The following CUX2 variants were observed in gnomAD, a reference collection of about 807,000 sequenced individuals.
The protein encoded by CUX2 is cut like homeobox 2.
CUX2 carries 40 observed loss-of-function variants against 144.8 expected under a neutral mutation model. The ratio of observed to expected loss-of-function variants is 0.28; its 90% CI spans 0.21 to 0.36. The LOEUF is 0.36. Among genes scored for constraint, CUX2 ranks in the 10% least tolerant of loss-of-function variants. The pLI is 1.00. For missense variants in CUX2, 1,615 were observed against 1,994.0 expected, an observed-to-expected ratio of 0.81 and a Z score of 3.62; for synonymous variants, 827 against 875.6, an observed-to-expected ratio of 0.94 and a Z score of 0.98.
At chr12:111,096,473 T>C (rs761834372) in intron 1 of CUX2, among the ~76,000 whole-genome samples, 22 of 152,182 alleles carry the variant, frequency 1.4e-4, no homozygotes, top group Non-Finnish European at 2.9e-4. Flanking sequence ...GGAGCTTTTA[T>C]CACTTACACC....
At chr12:111,239,775 G>T (rs1449515031) in intron 3 of CUX2, among the ~76,000 whole-genome samples, 3 of 152,164 alleles carry the variant, frequency 2.0e-5, no homozygotes, top group Admixed American at 6.5e-5. Flanking sequence ...CACCTGCCAG[G>T]GCTACCTGGG....
At chr12:111,090,207 A>G (rs1180640446) in intron 1 of CUX2, among the ~76,000 whole-genome samples, 1 of 152,182 alleles carries the variant, frequency 6.6e-6, no homozygotes, top group Non-Finnish European at 1.5e-5. Flanking sequence ...GGGCCAGATG[A>G]GGGAGCATCT....
chr12:111,096,246 G>C (rs1056012379), intron 1 of CUX2, among the ~76,000 whole-genome samples: 2 of 152,188 alleles, frequency 1.3e-5, no homozygotes, highest in Admixed American at 6.5e-5. Flanking sequence ...CCCTCCGGTG[G>C]GGGTGAGGGG....
At chr12:111,210,052 G>A (rs1430368810) in intron 1 of CUX2, among the ~76,000 whole-genome samples, 1 of 152,174 alleles carries the variant, frequency 6.6e-6, no homozygotes, top group Admixed American at 6.5e-5. Flanking sequence ...AGGGCTGGGG[G>A]GCTGGTGGGG....
At chr12:111,152,314 TAAAA>T (rs1303429623) in intron 1 of CUX2, among the ~76,000 whole-genome samples, 1 of 151,712 alleles carries the variant, frequency 6.6e-6, no homozygotes, top group African/African-American at 2.4e-5. Context: ...AATAAATAAA[TAAAA>T]AGAAAGGCTC....
intron 1 of CUX2, among the ~76,000 whole-genome samples, chr12:111,079,136 A>G (rs527547855): frequency 6.6e-6 from 1 of 152,324 alleles, no homozygotes; most frequent in South Asian, 2.1e-4. Context: ...GCCTTTTACA[A>G]ACTGGTGGCC....
intron 1 of CUX2, among the ~76,000 whole-genome samples, chr12:111,132,011 G>A (rs11830886): frequency 0.13 from 19,546 of 152,194 alleles, 4,214 homozygotes; most frequent in African/African-American, 0.44. Flanking sequence ...CTCCCACCCC[G>A]CATTTCCCTT....
chr12:111,055,826 G>A (rs1169115465), intron 1 of CUX2, among the ~76,000 whole-genome samples: 1 of 152,246 alleles, frequency 6.6e-6, no homozygotes, highest in African/African-American at 2.4e-5. Context: ...ATTTGTTTCT[G>A]TGGGATGTAT....
At position 111,061,755 on chromosome 12, in the gene CUX2, G is replaced by A. The variant is rs146769502; in HGVS notation, c.63+27515G>A. Among the ~76,000 whole-genome samples, 1,392 of 152,268 alleles carry A rather than the reference G, an allele frequency of 9.1e-3. 7 individuals carry two copies. The highest frequency in any genetic ancestry group is 0.034 in the Middle Eastern group (10 of 294). ...TGGCCCTGGCCCTGGGTATCTCTGG[G>A]TTTTTTGTCGTTTTCTTTTTTCTGC... On this transcript the variant is annotated intron_variant, in intron 1 of 21. Coordinates refer to ENST00000261726, the MANE Select transcript of CUX2 (RefSeq NM_015267.4). The surrounding 1 kb of genome is among the most constrained non-coding windows in gnomAD (Gnocchi z 4.2).
intron 1 of CUX2, among the ~76,000 whole-genome samples, chr12:111,150,986 A>C (rs1010052994): frequency 2.0e-5 from 3 of 152,226 alleles, no homozygotes; most frequent in African/African-American, 7.2e-5. Flanking sequence ...TAAAGTTTTC[A>C]ACTGACCTGA....
At chr12:111,134,620 C>CTCTGTGTGTGTG (rs1026548098) in intron 1 of CUX2, among the ~76,000 whole-genome samples, 4 of 142,208 alleles carry the variant, frequency 2.8e-5, no homozygotes, top group African/African-American at 1.1e-4. Context: ...CTCTCTCTCT[C>CTCTGTGTGTGTG]TGTGTGTGTG....
In CUX2 at chr12:111,077,762, A is replaced by C. The variant is rs185849002; in HGVS notation, c.63+43522A>C. 6.6e-6 allele frequency among the ~76,000 whole-genome samples: 1 copy of C among 152,270 alleles called. No homozygotes were observed. The highest frequency in any genetic ancestry group is 6.5e-5 in the Admixed American group (1 of 15,296). ...CCACCCAGATCCCTCCTCCTGGAAG[A>C]AATTGACCAGATTATCTCCCACCTC... On this transcript the variant is annotated intron_variant, in intron 1 of 21. Coordinates refer to ENST00000261726, the MANE Select transcript of CUX2 (RefSeq NM_015267.4). This position sits in a 1 kb window ranked among gnomAD's most constrained non-coding sequence, Gnocchi z 4.1.
At chr12:111,076,665 T>C (rs1019721742) in intron 1 of CUX2, among the ~76,000 whole-genome samples, 7 of 152,202 alleles carry the variant, frequency 4.6e-5, no homozygotes, top group Non-Finnish European at 1.0e-4. Context: ...GCTAGCCTCC[T>C]CCCAGGTTCC....
Position 111,307,131 on chromosome 12 carries a change from G to T in CUX2, c.1050+19G>T, listed in dbSNP as rs537915946. ...CATAGAAGTGGGTCCTGGGGAGGAG[G>T]CAGGCGGGCAGGCGGCCCCATGCAG... On this transcript the variant is annotated intron_variant, in intron 11 of 21. Transcript: ENST00000261726. This position sits in a 1 kb window ranked among gnomAD's most constrained non-coding sequence, Gnocchi z 4.1. 1.2e-6 allele frequency: 2 copies of T among 1,613,302 alleles called. No individual in the cohort carries two copies. The highest frequency in any genetic ancestry group is 2.2e-5 in the East Asian group (1 of 44,856).
chr12:111,291,232 G>C (rs112045940), intron 4 of CUX2, among the ~76,000 whole-genome samples, 186 bp from the exon 5 acceptor site: 1 of 152,140 alleles, frequency 6.6e-6, no homozygotes, highest in Non-Finnish European at 1.5e-5. Context: ...GGAGATAGCA[G>C]GTGCTCCCCT....
At chr12:111,338,546 C>A (rs1169055140) in intron 20 of CUX2, 72 bp downstream of exon 20, 1 of 1,419,154 alleles carries the variant, frequency 7.0e-7, no homozygotes, top group African/African-American at 1.4e-5. Context: ...CTAGCTGTAA[C>A]CCACATAAAC....
At chr12:111,323,993 T>C (rs1887655626) in intron 18 of CUX2, among the ~76,000 whole-genome samples, 1 of 152,076 alleles carries the variant, frequency 6.6e-6, no homozygotes, top group South Asian at 2.1e-4. Flanking sequence ...GCTATGATCA[T>C]GCCACTGCAG....
At chr12:111,210,053 G>C (rs1243006010) in intron 1 of CUX2, among the ~76,000 whole-genome samples, 2 of 152,186 alleles carry the variant, frequency 1.3e-5, no homozygotes, top group South Asian at 2.1e-4. Flanking sequence ...GGGCTGGGGG[G>C]CTGGTGGGGC....
At chr12:111,234,721 T>A (rs1235295067) in intron 3 of CUX2, among the ~76,000 whole-genome samples, 1 of 150,602 alleles carries the variant, frequency 6.6e-6, no homozygotes, top group African/African-American at 2.4e-5. Flanking sequence ...CCTTTCTTTT[T>A]TTTTTTTTTT....
Sources: allele counts gnomAD v4.1 joint callset (sites outside exome capture counted in the v4.1 genomes callset), GRCh38; gene constraint gnomAD v4.1.1; non-coding constraint Gnocchi (gnomAD v3.1); transcripts MANE v1.5; gene names NCBI Gene and HGNC (gene_info 2026-07-23, HGNC 2026-07-21).